The following HIP1 variants were observed in gnomAD, a reference collection of about 807,000 sequenced individuals.
The protein encoded by HIP1 is huntingtin-interacting protein 1.
In HIP1, 65 loss-of-function variants were observed where a neutral mutation model predicts 147.6. The ratio of observed to expected loss-of-function variants is 0.44; its 90% confidence interval spans 0.36 to 0.54. The LOEUF (loss-of-function observed/expected upper bound fraction) is 0.54. Ranked by LOEUF, HIP1 falls within the 20% of genes least tolerant of loss-of-function variation. The pLI is 0.00. For missense variants in HIP1, 1,061 were observed against 1,299.6 expected, an observed-to-expected ratio of 0.82 and a Z score of 2.82; for synonymous variants, 479 against 504.0, an observed-to-expected ratio of 0.95 and a Z score of 0.67.
chr7:75,555,673 A>G, intron 18 of HIP1, 122 bp from the exon 19 acceptor site: 5 of 1,079,182 alleles, frequency 4.6e-6, no homozygotes, highest in East Asian at 2.5e-5. Context: ...CCAAGCCAGT[A>G]AGCCTGAGAC....
At chr7:75,663,965 T>TACACACACAC (rs1563278006) in intron 1 of HIP1, among the ~76,000 whole-genome samples, 20 of 22,810 alleles carry the variant, frequency 8.8e-4, no homozygotes, top group South Asian at 1.6e-3. Flanking sequence ...TATGTGTATA[T>TACACACACAC]ATATATACAC....
At chr7:75,566,839 G>A (rs1278844045) in intron 9 of HIP1, among the ~76,000 whole-genome samples, 2 of 151,230 alleles carry the variant, frequency 1.3e-5, no homozygotes, top group African/African-American at 2.5e-5. Context: ...GAATGGGGAG[G>A]GGCTGGGCAC....
At chr7:75,556,213 T>G (rs1554493301) in intron 17 of HIP1, 44 bp from the exon 18 acceptor site, 42 of 1,603,682 alleles carry the variant, frequency 2.6e-5, no homozygotes, top group Non-Finnish European at 3.5e-5. Context: ...CTGGTTGAGT[T>G]AAACAGTCCC....
rs1244165869 is a variant in HIP1, at chr7:75,706,331, A to ATTGT, written c.120+32466_120+32469dup. On this transcript the variant is annotated intron_variant, in intron 1 of 30. Transcript: ENST00000336926. Reference sequence around the variant, plus strand: ...CTTGTTATTTTCTGGGGTTTTATTTATTGTTTGTTTGTTTGTTTTTGATAG... The same window carrying ATTGT: ...CTTGTTATTTTCTGGGGTTTTATTTATTGTTTGTTTGTTTGTTTGTTTTTGATAG... 5.9e-5 allele frequency among the ~76,000 whole-genome samples: 9 copies of ATTGT among 151,542 alleles called. 1 individual carries two copies. The highest frequency in any genetic ancestry group is 1.9e-4 in the African/African-American group (8 of 41,344).
intron 1 of HIP1, among the ~76,000 whole-genome samples, chr7:75,615,450 G>A (rs1411043776): frequency 6.6e-6 from 1 of 152,152 alleles, no homozygotes; most frequent in Non-Finnish European, 1.5e-5. Flanking sequence ...TACTTGGGAG[G>A]CTGAGGCAGG....
In HIP1 at chr7:75,555,195, CGGGGGGG is replaced by C. The variant is rs371043786; in HGVS notation, c.1963+214_1963+220del. On this transcript the variant is annotated intron_variant, in intron 19 of 30. Transcript: ENST00000336926. ...GACCCTATCTCAAAAAGCGGGGGGG[CGGGGGGG>C]GGGAAGAAAATACTAAAATACTAGT... Among the ~76,000 whole-genome samples, 2 of 23,602 alleles carry C rather than the reference CGGGGGGG, an allele frequency of 8.5e-5. 1 individual carries two copies. The highest frequency in any genetic ancestry group is 2.0e-4 in the Non-Finnish European group (2 of 10,072). The allele number at this position is 23,602 out of a possible 152,430, so 15.5% of individuals were successfully genotyped here.
At chr7:75,717,623 G>A (rs377180955) in intron 1 of HIP1, among the ~76,000 whole-genome samples, 3 of 147,578 alleles carry the variant, frequency 2.0e-5, no homozygotes, top group South Asian at 2.1e-4. Context: ...CTCGAGGTCC[G>A]GAGTTCAAGA....
At chr7:75,546,875 C>T (rs1404542836) in intron 25 of HIP1, 64 bp downstream of exon 25, 12 of 1,141,434 alleles carry the variant, frequency 1.1e-5, no homozygotes, top group African/African-American at 3.1e-5. Context: ...TCACAGAGTC[C>T]GTTGGAGCGG....
At chr7:75,592,600 G>A in intron 2 of HIP1, 86 bp from the exon 3 acceptor site, 1 of 1,369,614 alleles carries the variant, frequency 7.3e-7, no homozygotes, top group South Asian at 1.3e-5. Flanking sequence ...GCAGGGGACT[G>A]AGCCTGCACC....
Position 75,568,746 on chromosome 7 carries a change from C to T in HIP1, c.746-490G>A, listed in dbSNP as rs781808815. Among the ~76,000 whole-genome samples, 4 of 152,254 alleles carry T rather than the reference C, an allele frequency of 2.6e-5. No individual in the cohort carries two copies. The highest frequency in any genetic ancestry group is 5.9e-5 in the Non-Finnish European group (4 of 68,010). On this transcript the variant is annotated intron_variant, in intron 8 of 30. Transcript: ENST00000336926. The surrounding 1 kb of genome is among the most constrained non-coding windows in gnomAD (Gnocchi z 4.1). ...ATTGAAGGCCAGGTGCAGTGGCTCA[C>T]GCATGTAATCCCAGCACTTTGGGAG...
chr7:75,645,018 G>T (rs1798759927), intron 1 of HIP1, among the ~76,000 whole-genome samples: 1 of 152,150 alleles, frequency 6.6e-6, no homozygotes, highest in Non-Finnish European at 1.5e-5. Flanking sequence ...CAAATTCCTA[G>T]ACCTAGGGCT....
chr7:75,641,599 C>T (rs549132923), intron 1 of HIP1, among the ~76,000 whole-genome samples: 7 of 151,932 alleles, frequency 4.6e-5, no homozygotes, highest in African/African-American at 1.4e-4. Context: ...TCAAGAAATT[C>T]GCCTGCCTCA....
At chr7:75,590,408 A>G (rs1346272664) in intron 4 of HIP1, among the ~76,000 whole-genome samples, 2 of 152,196 alleles carry the variant, frequency 1.3e-5, no homozygotes, top group African/African-American at 4.8e-5. Context: ...AACCTCCCAA[A>G]TAGTAATGAG....
intron 1 of HIP1, among the ~76,000 whole-genome samples, chr7:75,667,095 GT>G (rs1554514708): frequency 2.0e-5 from 3 of 151,744 alleles, no homozygotes. Flanking sequence ...TTTTAAAACT[GT>G]TTTTCTAGAC....
chr7:75,542,942 G>T lies in HIP1; in HGVS notation c.2799C>A (p.Ala933=), dbSNP rs1584772476. 1 of 1,613,952 alleles carries T rather than the reference G, an allele frequency of 6.2e-7. No individual in the cohort carries two copies. The highest frequency in any genetic ancestry group is 8.5e-7 in the Non-Finnish European group (1 of 1,180,006). Residue 933 remains alanine, a synonymous_variant, in exon 28 of 31, where the codon GCC becomes GCA. Coordinates refer to ENST00000336926, the MANE Select transcript of HIP1 (RefSeq NM_005338.7). ...CTCCCCGAGAGGCCTGCTGCAGCTG[G>T]GCTAGGTTGGGGCTGTCCTTATCAG... ...VKADKDSPNL[A]QLQQASRGVN... is the part of the protein sequence containing the mutation.
At chr7:75,605,440 AC>A (rs1554503694) in intron 1 of HIP1, among the ~76,000 whole-genome samples, 1 of 152,088 alleles carries the variant, frequency 6.6e-6, no homozygotes, top group Admixed American at 6.6e-5. Context: ...AGAAGAGATG[AC>A]AGCAGGTGGA....
At chr7:75,722,760 T>C (rs943253715) in intron 1 of HIP1, among the ~76,000 whole-genome samples, 1 of 152,224 alleles carries the variant, frequency 6.6e-6, no homozygotes, top group Non-Finnish European at 1.5e-5. Context: ...AAAAAATTTT[T>C]TTTAAGGTTA....
chr7:75,692,159 C>T (rs1554518220), intron 1 of HIP1, among the ~76,000 whole-genome samples: 2 of 152,300 alleles, frequency 1.3e-5, no homozygotes, highest in Non-Finnish European at 2.9e-5. Context: ...AATTCCACTC[C>T]CCAAAGGCAG....
chr7:75,554,800 G>A (rs1284581130), intron 19 of HIP1, among the ~76,000 whole-genome samples: 1 of 152,124 alleles, frequency 6.6e-6, no homozygotes, highest in Non-Finnish European at 1.5e-5. Context: ...GCTGGGCCTG[G>A]CGTGGTGTCT....
Sources: allele counts gnomAD v4.1 joint callset (sites outside exome capture counted in the v4.1 genomes callset), GRCh38; gene constraint gnomAD v4.1.1; non-coding constraint Gnocchi (gnomAD v3.1); transcripts MANE v1.5; gene names NCBI Gene and HGNC (gene_info 2026-07-23, HGNC 2026-07-21).